SH2B3: variants seen among roughly 807,000 people sequenced by gnomAD.
SH2B3 encodes SH2B adaptor protein 3.
SH2B3 carries 43 observed loss-of-function variants against 51.9 expected under a neutral mutation model. The observed-to-expected ratio is 0.83, with a 90% CI of 0.65 to 1.07. SH2B3 has a LOEUF of 1.07. SH2B3 is among the 50% of genes least tolerant of loss of function. The probability of loss-of-function intolerance (pLI) is 0.00; values close to 1 mark genes in which losing one functional copy is unlikely to be tolerated. For missense variants in SH2B3, 952 were observed against 834.3 expected (o/e 1.14, Z -1.74); for synonymous variants, 396 against 376.0 (o/e 1.05, Z -0.62).
chr12:111,419,973 A>C (rs1274490326), intron 2 of SH2B3, among the ~76,000 whole-genome samples: 1 of 152,176 alleles, frequency 6.6e-6, no homozygotes, highest in Non-Finnish European at 1.5e-5. Context: ...CCAGTCAAGG[A>C]TTTTGTACAA....
In SH2B3 at chr12:111,407,277, T is replaced by G. The variant is rs1163737274; in HGVS notation, c.-28+1000T>G. On this transcript the variant is annotated intron_variant, in intron 1 of 7. Transcript: ENST00000341259. This position sits in a 1 kb window ranked among gnomAD's most constrained non-coding sequence, Gnocchi z 4.3. The stretch of plus-strand genomic sequence containing the variant: ...CTGGGCTGAGTGGGAGGAAGTGAAA[T>G]CTGGTGGGGGGTTCAGAGCAGAGGC... 6.7e-6 allele frequency among the ~76,000 whole-genome samples: 1 copy of G among 149,876 alleles called. No individual in the cohort carries two copies. Among genetic ancestry groups the G allele is most frequent in the East Asian group, 2.0e-4 (1 of 5,018 alleles).
Position 111,418,534 on chromosome 12 carries a change from C to A in SH2B3, c.389C>A (p.Pro130His). The A allele has an allele frequency of 7.0e-7, 1 of 1,427,362 alleles. No individual in the cohort carries two copies. The highest frequency in any genetic ancestry group is 9.2e-7 in the Non-Finnish European group (1 of 1,092,322). 88.4% of individuals were successfully genotyped at this position (1,427,362 alleles called of 1,614,324 possible). ...GAGGAGCTGGCCCCGCCGCGGCCGC[C>A]CGGGCCCTGCTCCTTCCAGCACTTT... ...SSEELAPPRPPGPCSFQHFRR... is the reference protein window; with the variant it reads ...SSEELAPPRPHGPCSFQHFRR... Residue 130 changes from proline to histidine, a missense_variant, in exon 2 of 8, where the codon CCC becomes CAC. Physicochemically the swap from Pro to His is moderately conservative, Grantham distance 77 (BLOSUM62 -2). Coordinates refer to ENST00000341259, the MANE Select transcript of SH2B3 (RefSeq NM_005475.3). This position sits in a 1 kb window ranked among gnomAD's most constrained non-coding sequence, Gnocchi z 6.7.
chr12:111,435,112 A>C lies in SH2B3; in HGVS notation c.733-11641A>C, dbSNP rs561678530. 7.2e-6 allele frequency: 8 copies of C among 1,107,424 alleles called. No homozygotes were observed. The African/African-American group carries it at 1.3e-4, about 17-fold the overall frequency. 68.6% of individuals were successfully genotyped at this position (1,107,424 alleles called of 1,614,324 possible). On this transcript the variant is annotated intron_variant, in intron 2 of 7. Transcript: ENST00000341259. The surrounding 1 kb of genome is among the most constrained non-coding windows in gnomAD (Gnocchi z 4.8). Reference sequence around the variant, plus strand: ...TCCTCTGGTGCACTCTCCCCACCCGAGACGGGCGACAGAGGTTTTTTGTTG... The same window carrying C: ...TCCTCTGGTGCACTCTCCCCACCCGCGACGGGCGACAGAGGTTTTTTGTTG...
Position 111,447,243 on chromosome 12 carries a change from A to G in SH2B3, c.1021+24A>G, listed in dbSNP as rs778853628. On this transcript the variant is annotated intron_variant, in intron 5 of 7. Transcript: ENST00000341259. The stretch of plus-strand genomic sequence containing the variant: ...AGGTGGGTAAACCAATAGCTAGGCC[A>G]TTGTCTTCTGGGTACGCTGGAACCC... 5 of 1,599,746 alleles carry G rather than the reference A, an allele frequency of 3.1e-6. No individual in the cohort carries two copies. In the African/African-American group the frequency reaches 5.4e-5, roughly 17 times the overall value.
In SH2B3 at chr12:111,418,660, C is replaced by T; in HGVS notation, c.515C>T (p.Thr172Ile). 6.7e-7 allele frequency: 1 copy of T among 1,487,188 alleles called. No individual in the cohort carries two copies. Among genetic ancestry groups the T allele is most frequent in the Non-Finnish European group, 8.9e-7 (1 of 1,127,724 alleles). 92.1% of individuals were successfully genotyped at this position (1,487,188 alleles called of 1,614,324 possible). ...GGGACCCCCGGAGAGGCTGCTGAGACCCCCGCCCGGCCTGGCCTGGCCAAG... is the reference window on the plus strand; with the variant it reads ...GGGACCCCCGGAGAGGCTGCTGAGATCCCCGCCCGGCCTGGCCTGGCCAAG... Reference protein sequence around the residue: ...APGTPGEAAETPARPGLAKKF... With the variant: ...APGTPGEAAEIPARPGLAKKF... The change falls in exon 2 of 8, where the codon ACC becomes ATC. Residue 172 changes from threonine (T) to isoleucine (I), a missense_variant. Coordinates refer to ENST00000341259, the MANE Select transcript of SH2B3 (RefSeq NM_005475.3). This position sits in a 1 kb window ranked among gnomAD's most constrained non-coding sequence, Gnocchi z 6.7.
rs566808156 is a variant in SH2B3, at chr12:111,418,943, C to T, written c.732+66C>T. 3.8e-6 allele frequency: 5 copies of T among 1,323,648 alleles called. No homozygotes were observed. The highest frequency in any genetic ancestry group is 1.6e-5 in the African/African-American group (1 of 64,276). The allele number at this position is 1,323,648 out of a possible 1,614,324, so 82.0% of individuals were successfully genotyped here. On this transcript the variant is annotated intron_variant, in intron 2 of 7. Coordinates refer to ENST00000341259, the MANE Select transcript of SH2B3 (RefSeq NM_005475.3). This position sits in a 1 kb window ranked among gnomAD's most constrained non-coding sequence, Gnocchi z 6.7. ...CCCTTCGCCTTCACCCTGGGGAGAG[C>T]GCGGGCTGGGGAGGTGTGATGGCTT...
rs910638063 is a variant in SH2B3 at position 111,435,424 on chromosome 12, G to A, written c.733-11329G>A. On this transcript the variant is annotated intron_variant, in intron 2 of 7. Transcript: ENST00000341259. The surrounding 1 kb of genome is among the most constrained non-coding windows in gnomAD (Gnocchi z 4.8). Reference sequence around the variant, plus strand: ...AGCCCAAGCTGGAGTGCAGTAGCACGATCTCGGCTCACTGCAACCTCCGCC... The same window carrying A: ...AGCCCAAGCTGGAGTGCAGTAGCACAATCTCGGCTCACTGCAACCTCCGCC... Among the ~76,000 whole-genome samples, 13 of 152,320 alleles carry A rather than the reference G, an allele frequency of 8.5e-5. No individual in the cohort carries two copies. The highest frequency in any genetic ancestry group is 2.9e-4 in the African/African-American group (12 of 41,570).
At chr12:111,447,924 G>C in intron 7 of SH2B3, 59 bp from the exon 8 acceptor site, 1 of 1,550,950 alleles carries the variant, frequency 6.4e-7, no homozygotes, top group Non-Finnish European at 8.8e-7. Flanking sequence ...CTTGTTCTGT[G>C]TCCTGTCAGC....
At chr12:111,442,576 C>T (rs1045497131) in intron 2 of SH2B3, among the ~76,000 whole-genome samples, 2 of 152,200 alleles carry the variant, frequency 1.3e-5, no homozygotes, top group African/African-American at 4.8e-5. Flanking sequence ...CAAGGCTGGT[C>T]TGGGCCAAGC....
At chr12:111,431,235 C>T (rs1267132955) in intron 2 of SH2B3, among the ~76,000 whole-genome samples, 1 of 152,148 alleles carries the variant, frequency 6.6e-6, no homozygotes, top group African/African-American at 2.4e-5. Flanking sequence ...GCTGTGGCTG[C>T]TGCCTGGGAC....
chr12:111,431,016 C>T (rs1872439539), intron 2 of SH2B3, among the ~76,000 whole-genome samples: 1 of 150,252 alleles, frequency 6.7e-6, no homozygotes, highest in Non-Finnish European at 1.5e-5. Context: ...CGAGTGCCGG[C>T]CGGGGGTGGG....
In SH2B3 at chr12:111,431,807, A is replaced by G. The variant is rs992075502; in HGVS notation, c.732+12930A>G. Among the ~76,000 whole-genome samples the G allele has an allele frequency of 5.2e-4, 79 of 152,266 alleles. 1 individual carries two copies. The highest frequency in any genetic ancestry group is 1.6e-3 in the African/African-American group (65 of 41,534). The stretch of plus-strand genomic sequence containing the variant: ...TTTTTTGTAGAGACAAACTCTCACT[A>G]TGTTGCCTAGGCTGGTCTTAAACTC... On this transcript the variant is annotated intron_variant, in intron 2 of 7. Transcript: ENST00000341259.
At position 111,447,529 on chromosome 12, in the gene SH2B3, T is replaced by G. The variant is rs1874123133; in HGVS notation, c.1221T>G (p.Phe407Leu). Reference protein sequence around the residue: ...RRGEYVLTFNFQGIAKHLRLS... With the variant: ...RRGEYVLTFNLQGIAKHLRLS... ...GGGAATACGTGCTCACTTTCAACTT[T>G]CAGGGGATAGCCAAGGTATGGGGTG... Residue 407 changes from phenylalanine to leucine, a missense_variant, in exon 6 of 8, where the codon TTT (phenylalanine) becomes TTG (leucine). By Grantham distance (22) the Phe-to-Leu change is conservative (BLOSUM62 0). Coordinates refer to ENST00000341259, the MANE Select transcript of SH2B3 (RefSeq NM_005475.3). The G allele has an allele frequency of 8.4e-7, 1 of 1,190,138 alleles. No homozygotes were observed. Among genetic ancestry groups the G allele is most frequent in the African/African-American group, 2.1e-5 (1 of 47,724 alleles). 73.7% of individuals were successfully genotyped at this position (1,190,138 alleles called of 1,614,324 possible).
At chr12:111,433,898 G>A (rs995675023) in intron 2 of SH2B3, among the ~76,000 whole-genome samples, 1 of 152,174 alleles carries the variant, frequency 6.6e-6, no homozygotes, top group Non-Finnish European at 1.5e-5. Context: ...ACAGGTGTGA[G>A]CTACCGGGTT....
chr12:111,406,217 T>G lies in SH2B3; in HGVS notation c.-88T>G, dbSNP rs1298874423. 6.6e-6 allele frequency: 1 copy of G among 150,962 alleles called. No individual in the cohort carries two copies. The highest frequency in any genetic ancestry group is 2.0e-4 in the East Asian group (1 of 5,124). The allele number at this position is 150,962 out of a possible 1,614,324, so 9.4% of individuals were successfully genotyped here. ...GGGGCCCGCCCGCCCCCTCGGGATT[T>G]CGAGGGCCCGGGGGCGCGCGACGCC... On this transcript the variant is annotated 5_prime_UTR_variant, in exon 1 of 8. Coordinates refer to ENST00000341259, the MANE Select transcript of SH2B3 (RefSeq NM_005475.3). The surrounding 1 kb of genome is among the most constrained non-coding windows in gnomAD (Gnocchi z 5.7).
In SH2B3 at chr12:111,445,795, C is replaced by T. The variant is rs143785305; in HGVS notation, c.733-958C>T. Among the ~76,000 whole-genome samples the T allele has an allele frequency of 5.8e-4, 89 of 152,344 alleles. 1 individual carries two copies. Among genetic ancestry groups the T allele is most frequent in the African/African-American group, 1.9e-3 (80 of 41,578 alleles). On this transcript the variant is annotated intron_variant, in intron 2 of 7. Transcript: ENST00000341259. ...CCAGGCCACTGGGTCATGATCCTTC[C>T]GACAGAGGTACCTGGCAGCTCTGTG...
At chr12:111,434,688 T>C in intron 2 of SH2B3, 3 of 682,340 alleles carry the variant, frequency 4.4e-6, no homozygotes, top group South Asian at 6.5e-5. Flanking sequence ...TAAATAATTA[T>C]TTAGGTTTTA....
At chr12:111,413,743 T>G (rs545304123) in intron 1 of SH2B3, among the ~76,000 whole-genome samples, 1 of 152,354 alleles carries the variant, frequency 6.6e-6, no homozygotes, top group South Asian at 2.1e-4. Flanking sequence ...TCAAGAGGCA[T>G]TCATTGAGCT....
chr12:111,446,867 G>A lies in SH2B3; in HGVS notation c.834+13G>A. On this transcript the variant is annotated intron_variant, in intron 3 of 7. Coordinates refer to ENST00000341259, the MANE Select transcript of SH2B3 (RefSeq NM_005475.3). ...CTTTGTGCTGAAGGTGAGTGACAAG[G>A]CTTTTCACACCCTGGGGCAATACAA... 6.2e-7 allele frequency: 1 copy of A among 1,604,776 alleles called. No individual in the cohort carries two copies. The highest frequency in any genetic ancestry group is 1.3e-5 in the African/African-American group (1 of 74,862).
Sources: gnomAD v4.1 joint callset for allele counts (sites outside exome capture counted in the v4.1 genomes callset) on GRCh38, gnomAD v4.1.1 for gene constraint, Gnocchi (gnomAD v3.1) non-coding constraint, MANE v1.5 for transcripts, NCBI Gene and HGNC (gene_info 2026-07-23, HGNC 2026-07-21) for gene names.